Variants in CTNNA3 observed in about 807,000 individuals in gnomAD.
CTNNA3 encodes catenin alpha-3.
In CTNNA3, 76 loss-of-function variants were observed where a neutral mutation model predicts 95.7. That is an observed-to-expected ratio of 0.79 (90% CI 0.66 to 0.96). CTNNA3 has a LOEUF of 0.96. CTNNA3 is among the 40% of genes least tolerant of loss of function. The probability of loss-of-function intolerance (pLI) is 0.00; values close to 1 mark genes in which losing one functional copy is unlikely to be tolerated. For missense variants in CTNNA3, 1,191 were observed against 1,089.8 expected (o/e 1.09, Z -1.31); for synonymous variants, 431 against 374.4 (o/e 1.15, Z -1.74).
At chr10:65,974,239 T>G (rs1427474712) in intron 16 of CTNNA3, among the ~76,000 whole-genome samples, 2 of 152,154 alleles carry the variant, frequency 1.3e-5, no homozygotes, top group Non-Finnish European at 2.9e-5. Context: ...CCCGTTACTA[T>G]GTACATATTC....
chr10:66,211,983 G>GTTTTTTTTTTTT (rs61453326), intron 13 of CTNNA3, among the ~76,000 whole-genome samples: 4 of 95,012 alleles, frequency 4.2e-5, no homozygotes, highest in African/African-American at 8.9e-5. Flanking sequence ...TTGTTTTTGG[G>GTTTTTTTTTTTT]TTTTTTTTTT....
intron 15 of CTNNA3, among the ~76,000 whole-genome samples, chr10:66,010,832 T>A (rs1406168007): frequency 6.6e-6 from 1 of 152,210 alleles, no homozygotes; most frequent in Non-Finnish European, 1.5e-5. Flanking sequence ...TTCAGTCAAG[T>A]CATATGCATT....
Position 67,521,807 on chromosome 10 carries a change from T to A in CTNNA3, c.579+35A>T, listed in dbSNP as rs528726860. The A allele has an allele frequency of 1.1e-5, 18 of 1,602,728 alleles. No homozygotes were observed. The South Asian group carries it at 2.0e-4, about 18-fold the overall frequency. On this transcript the variant is annotated intron_variant, in intron 5 of 17. Coordinates refer to ENST00000433211, the MANE Select transcript of CTNNA3 (RefSeq NM_013266.4). ...CAGGATGGCAGGAAGCCTAAAGTGT[T>A]CATCTCCTCCACCAAGGAGAGCTCT...
chr10:65,989,050 C>T (rs1308538388), intron 15 of CTNNA3, among the ~76,000 whole-genome samples: 1 of 152,122 alleles, frequency 6.6e-6, no homozygotes, highest in African/African-American at 2.4e-5. Context: ...AAGCGATTCT[C>T]CAGTCTTAGC....
chr10:66,581,160 G>C (rs1586378), intron 10 of CTNNA3, among the ~76,000 whole-genome samples: 1 of 151,768 alleles, frequency 6.6e-6, no homozygotes, highest in African/African-American at 2.4e-5. Flanking sequence ...TGGACATTTA[G>C]GTTGACTGCA....
chr10:66,399,608 A>C lies in CTNNA3; in HGVS notation c.1532-20256T>G, dbSNP rs184714412. On this transcript the variant is annotated intron_variant, in intron 11 of 17. Transcript: ENST00000433211. ...TCTCACACTTACTCTGTCATCAGCT[A>C]TCAAAGCCAAAATGCAAAATTCCTT... 5.9e-5 allele frequency among the ~76,000 whole-genome samples: 9 copies of C among 152,106 alleles called. No homozygotes were observed. The East Asian group carries it at 1.5e-3, about 26-fold the overall frequency.
intron 9 of CTNNA3, among the ~76,000 whole-genome samples, chr10:66,687,988 A>C (rs1847365610): frequency 6.6e-6 from 1 of 152,130 alleles, no homozygotes; most frequent in African/African-American, 2.4e-5. Flanking sequence ...AGGAAGAGAG[A>C]TTGTGTCAAA....
chr10:66,311,476 G>A (rs995315887), intron 12 of CTNNA3, among the ~76,000 whole-genome samples: 2 of 152,156 alleles, frequency 1.3e-5, no homozygotes, highest in Admixed American at 6.5e-5. Context: ...ACCATCTGCA[G>A]CTATCAGCTT....
At chr10:66,973,996 G>C (rs1849880409) in intron 7 of CTNNA3, among the ~76,000 whole-genome samples, 1 of 151,990 alleles carries the variant, frequency 6.6e-6, no homozygotes, top group Non-Finnish European at 1.5e-5. Flanking sequence ...GGTTTAATAG[G>C]TTTTACCAAC....
intron 11 of CTNNA3, among the ~76,000 whole-genome samples, chr10:66,422,003 C>T (rs1351422195): frequency 2.7e-5 from 4 of 149,348 alleles, no homozygotes; most frequent in Non-Finnish European, 1.5e-5. Flanking sequence ...ATACCTTGGA[C>T]ATGGATTGTA....
At chr10:66,071,670 A>C (rs1482609103) in intron 14 of CTNNA3, among the ~76,000 whole-genome samples, 1 of 152,148 alleles carries the variant, frequency 6.6e-6, no homozygotes, top group Non-Finnish European at 1.5e-5. Context: ...TCTCCAAAGA[A>C]TAGTCACATT....
intron 5 of CTNNA3, among the ~76,000 whole-genome samples, chr10:67,457,217 C>G (rs1847206100): frequency 6.6e-6 from 1 of 152,142 alleles, no homozygotes; most frequent in South Asian, 2.1e-4. Context: ...CAGCAATCCC[C>G]AAAGCCAAAG....
intron 5 of CTNNA3, among the ~76,000 whole-genome samples, chr10:67,238,691 T>C (rs1047644154): frequency 7.9e-5 from 12 of 151,954 alleles, no homozygotes; most frequent in Non-Finnish European, 1.6e-4. Flanking sequence ...CTGTAAATCA[T>C]GAACGAACTT....
chr10:66,334,112 C>T (rs1257783823), intron 12 of CTNNA3, among the ~76,000 whole-genome samples: 1 of 151,906 alleles, frequency 6.6e-6, no homozygotes, highest in East Asian at 1.9e-4. Context: ...TTATTTTGAG[C>T]CCATGTGTGT....
At chr10:66,773,453 C>T (rs766105573) in intron 8 of CTNNA3, among the ~76,000 whole-genome samples, 1 of 152,128 alleles carries the variant, frequency 6.6e-6, no homozygotes, top group Non-Finnish European at 1.5e-5. Context: ...AGATTGAAGC[C>T]ACATGGAGAG....
At chr10:67,469,201 A>T (rs898990642) in intron 5 of CTNNA3, among the ~76,000 whole-genome samples, 11 of 152,218 alleles carry the variant, frequency 7.2e-5, no homozygotes, top group African/African-American at 2.2e-4. Context: ...CTAAAAGGAG[A>T]CATACAGTGT....
chr10:66,746,872 T>A (rs1838899037), intron 9 of CTNNA3, among the ~76,000 whole-genome samples: 1 of 152,128 alleles, frequency 6.6e-6, no homozygotes, highest in African/African-American at 2.4e-5. Flanking sequence ...TGTGTGTGTG[T>A]GTGTGTGTGT....
intron 5 of CTNNA3, among the ~76,000 whole-genome samples, chr10:67,263,764 T>C (rs969345232): frequency 2.0e-5 from 3 of 152,196 alleles, no homozygotes; most frequent in African/African-American, 7.2e-5. Context: ...CTTCCACTTC[T>C]GGCAGGACCA....
At position 67,734,174 on chromosome 10, in the gene CTNNA3, T is replaced by A. The variant is rs76573319; in HGVS notation, c.-2+29260A>T. ...GGCCAGTCAACAAAATTACCATAAC[T>A]TCTGTTCAAATATTAACCCTACATG... On this transcript the variant is annotated intron_variant, in intron 1 of 17. Transcript: ENST00000684154. Among the ~76,000 whole-genome samples, 566 of 152,262 alleles carry A rather than the reference T, an allele frequency of 3.7e-3. 4 individuals are homozygous for A. The highest frequency in any genetic ancestry group is 0.013 in the African/African-American group (538 of 41,554).
Sources: allele counts gnomAD v4.1 joint callset (sites outside exome capture counted in the v4.1 genomes callset), GRCh38; gene constraint gnomAD v4.1.1; transcripts MANE v1.5; gene names NCBI Gene and HGNC (gene_info 2026-07-23, HGNC 2026-07-21).